The following APBB2 variants were observed in gnomAD, a reference collection of about 807,000 sequenced individuals.
APBB2 encodes the protein Fe65-like 1.
A neutral mutation model predicts 82.5 loss-of-function variants in APBB2; 38 were observed. That is an observed-to-expected ratio of 0.46 (90% CI 0.36 to 0.60). APBB2 has a LOEUF of 0.60. Among genes scored for constraint, APBB2 ranks in the 20% least tolerant of loss-of-function variants. The pLI, the probability that APBB2 is intolerant of heterozygous loss-of-function variation, is 0.00. For missense variants in APBB2, 772 were observed against 972.3 expected (o/e 0.79, Z 2.74); for synonymous variants, 341 against 368.2 (o/e 0.93, Z 0.85).
At chr4:41,120,093 C>T (rs1440024018) in intron 2 of APBB2, among the ~76,000 whole-genome samples, 1 of 152,136 alleles carries the variant, frequency 6.6e-6, no homozygotes, top group Non-Finnish European at 1.5e-5. Context: ...AGAACTCATT[C>T]AAATCCACGA....
chr4:41,188,871 C>G (rs1773662676), intron 1 of APBB2, among the ~76,000 whole-genome samples: 1 of 152,022 alleles, frequency 6.6e-6, no homozygotes, highest in South Asian at 2.1e-4. Flanking sequence ...CAAGATCATG[C>G]CACTGCACTC....
At chr4:41,168,837 TGCCAGC>T (rs1157626658) in intron 1 of APBB2, among the ~76,000 whole-genome samples, 2 of 152,074 alleles carry the variant, frequency 1.3e-5, no homozygotes, top group Non-Finnish European at 2.9e-5. Flanking sequence ...GGAAATGACT[TGCCAGC>T]CCACACAAAG....
chr4:41,039,479 G>A (rs201081216), intron 4 of APBB2, among the ~76,000 whole-genome samples: 3 of 152,154 alleles, frequency 2.0e-5, no homozygotes, highest in African/African-American at 4.8e-5. Context: ...GGTAACCATC[G>A]ATCTGACAGT....
chr4:41,146,323 C>CAAAAAAAAAAAAAAAAAAAAAAAAAAAAA (rs35546477), intron 1 of APBB2, among the ~76,000 whole-genome samples: 1 of 58,354 alleles, frequency 1.7e-5, no homozygotes, highest in Non-Finnish European at 3.1e-5. Flanking sequence ...AAGACTGTCT[C>CAAAAAAAAAAAAAAAAAAAAAAAAAAAAA]AAAAAAAAAA....
chr4:41,067,134 C>A (rs1732167719), intron 3 of APBB2, among the ~76,000 whole-genome samples: 1 of 152,162 alleles, frequency 6.6e-6, no homozygotes, highest in Admixed American at 6.5e-5. Flanking sequence ...GAAACTGAGG[C>A]ATCAGTGGCT....
intron 2 of APBB2, among the ~76,000 whole-genome samples, chr4:41,114,440 G>A (rs1196571037): frequency 1.3e-5 from 2 of 152,040 alleles, no homozygotes; most frequent in East Asian, 3.9e-4. Flanking sequence ...CTCATCACTC[G>A]TATTCAACAT....
intron 2 of APBB2, among the ~76,000 whole-genome samples, chr4:41,129,834 T>C (rs1368416175): frequency 1.3e-5 from 2 of 152,002 alleles, no homozygotes; most frequent in Non-Finnish European, 2.9e-5. Flanking sequence ...TTGGCATTTA[T>C]ATTCCAGTGA....
At chr4:40,895,172 T>C (rs909124682) in intron 10 of APBB2, among the ~76,000 whole-genome samples, 8 of 152,126 alleles carry the variant, frequency 5.3e-5, no homozygotes, top group African/African-American at 1.9e-4. Flanking sequence ...GATCACACTT[T>C]GTCAAAGGGG....
At chr4:40,964,294 T>A (rs1794038091) in intron 6 of APBB2, among the ~76,000 whole-genome samples, 2 of 152,106 alleles carry the variant, frequency 1.3e-5, no homozygotes, top group African/African-American at 4.8e-5. Flanking sequence ...GAAATACACC[T>A]ACAAGCATTG....
At chr4:41,148,836 T>TA (rs994501647) in intron 1 of APBB2, among the ~76,000 whole-genome samples, 1 of 151,660 alleles carries the variant, frequency 6.6e-6, no homozygotes. Context: ...AGACTGGCAC[T>TA]AAAAAAAAAT....
chr4:41,084,193 G>C (rs914024031), intron 3 of APBB2, among the ~76,000 whole-genome samples: 7 of 152,204 alleles, frequency 4.6e-5, no homozygotes, highest in African/African-American at 1.7e-4. Flanking sequence ...AGAAGGCCGA[G>C]ACAGGCGGAT....
chr4:40,926,839 G>A (rs1202586148), intron 10 of APBB2, among the ~76,000 whole-genome samples: 1 of 152,246 alleles, frequency 6.6e-6, no homozygotes, highest in East Asian at 1.9e-4. Flanking sequence ...GTGATAAATT[G>A]ACGTCTTCTA....
At chr4:40,882,765 C>G (rs971972023) in intron 12 of APBB2, among the ~76,000 whole-genome samples, 55 of 152,160 alleles carry the variant, frequency 3.6e-4, no homozygotes, top group African/African-American at 1.2e-3. Flanking sequence ...TGCTTAATGA[C>G]ACTAGTACGG....
At chr4:40,934,316 G>C (rs1784889174) in intron 10 of APBB2, 140 bp downstream of exon 10, 1 of 803,872 alleles carries the variant, frequency 1.2e-6, no homozygotes, top group African/African-American at 1.7e-5. Flanking sequence ...GTGTCAGGGA[G>C]ATTAGGAAAG....
chr4:40,863,798 C>T (rs1763363821), intron 12 of APBB2, among the ~76,000 whole-genome samples: 1 of 144,118 alleles, frequency 6.9e-6, no homozygotes, highest in Non-Finnish European at 1.5e-5. Context: ...GAGGCTGAGG[C>T]ATGAGAATTC....
At chr4:40,819,277 C>T (rs1045463956) in intron 17 of APBB2, among the ~76,000 whole-genome samples, 2 of 151,252 alleles carry the variant, frequency 1.3e-5, no homozygotes, top group African/African-American at 2.4e-5. Flanking sequence ...CCTCCACCCC[C>T]AAGTTCAAGC....
In APBB2 at chr4:40,832,038, A is replaced by ACACACACACACACC. The variant is rs1752179922; in HGVS notation, c.1530-1462_1530-1461insGGTGTGTGTGTGTG. Among the ~76,000 whole-genome samples the ACACACACACACACC allele has an allele frequency of 6.6e-6, 1 of 151,796 alleles. No homozygotes were observed. The highest frequency in any genetic ancestry group is 1.5e-5 in the Non-Finnish European group (1 of 67,926). ...TACACACACACACACACACACACAC[A>ACACACACACACACC]CACACACACACACATATACACCAAG... On this transcript the variant is annotated intron_variant, in intron 12 of 17. Transcript: ENST00000508593. The surrounding 1 kb of genome is among the most constrained non-coding windows in gnomAD (Gnocchi z 4.8).
intron 10 of APBB2, among the ~76,000 whole-genome samples, chr4:40,925,222 G>T (rs12510997): frequency 0.62 from 94,832 of 152,062 alleles, 29,754 homozygotes; most frequent in South Asian, 0.79. Context: ...CATTCCTTCT[G>T]GTAGTAGGAA....
chr4:41,130,734 C>T (rs1200384770), intron 2 of APBB2, among the ~76,000 whole-genome samples: 1 of 152,078 alleles, frequency 6.6e-6, no homozygotes, highest in East Asian at 1.9e-4. Flanking sequence ...TCCTCGAGTG[C>T]CTACCGATGC....
Sources: gnomAD v4.1 joint callset for allele counts (sites outside exome capture counted in the v4.1 genomes callset) on GRCh38, gnomAD v4.1.1 for gene constraint, Gnocchi (gnomAD v3.1) non-coding constraint, MANE v1.5 for transcripts, NCBI Gene and HGNC (gene_info 2026-07-23, HGNC 2026-07-21) for gene names.